Variants in RAPGEF6 observed in about 807,000 individuals in gnomAD.
RAPGEF6 encodes the protein PDZ domain containing guanine nucleotide exchange factor (GEF) 2.
RAPGEF6 carries 56 observed loss-of-function variants against 171.4 expected under a neutral mutation model. The observed-to-expected ratio is 0.33, with a 90% CI of 0.26 to 0.41. The LOEUF is 0.41. Ranked by LOEUF, RAPGEF6 falls within the 10% of genes least tolerant of loss-of-function variation. The pLI is 1.00. For synonymous variants in RAPGEF6, 692 were observed against 650.1 expected, an observed-to-expected ratio of 1.06 and a Z score of -0.98; for missense variants, 1,674 against 1,921.4, an observed-to-expected ratio of 0.87 and a Z score of 2.41.
chr5:131,479,192 G>A (rs780288955), intron 16 of RAPGEF6, among the ~76,000 whole-genome samples: 14 of 151,122 alleles, frequency 9.3e-5, no homozygotes, highest in Non-Finnish European at 1.3e-4. Context: ...TGGTGAATAA[G>A]TCCCAAGATT....
chr5:131,461,744 C>A lies in RAPGEF6; in HGVS notation c.2825G>T (p.Arg942Leu), dbSNP rs372487065. Reference sequence around the variant, plus strand: ...CATGGAATTGAAGTTCTTACATTCTCGACAATGAAGTGCAATTTTAATAAA... The same window carrying A: ...CATGGAATTGAAGTTCTTACATTCTAGACAATGAAGTGCAATTTTAATAAA... ...KHFIKIALHCRECKNFNSMFA... is the reference protein window; with the variant it reads ...KHFIKIALHCLECKNFNSMFA... Residue 942 changes from arginine to leucine, a missense_variant, in exon 19 of 28, where the codon CGA becomes CTA. Physicochemically the swap from Arg to Leu is moderately radical, Grantham distance 102. Transcript: ENST00000509018. The A allele has an allele frequency of 1.3e-5, 21 of 1,605,422 alleles. No individual in the cohort carries two copies. Among genetic ancestry groups the A allele is most frequent in the Non-Finnish European group, 1.8e-5 (21 of 1,173,244 alleles).
chr5:131,590,672 G>A (rs1763536672), intron 4 of RAPGEF6, among the ~76,000 whole-genome samples: 1 of 152,122 alleles, frequency 6.6e-6, no homozygotes. Context: ...TGAAGTTTAT[G>A]ATTACATTAA....
intron 4 of RAPGEF6, among the ~76,000 whole-genome samples, chr5:131,588,738 G>A (rs1325681112): frequency 2.0e-5 from 3 of 151,438 alleles, no homozygotes; most frequent in African/African-American, 2.4e-5. Flanking sequence ...GTGAGACTCC[G>A]TCTTAAAAAA....
intron 4 of RAPGEF6, among the ~76,000 whole-genome samples, chr5:131,572,326 G>A (rs577526745): frequency 6.6e-6 from 1 of 152,198 alleles, no homozygotes; most frequent in South Asian, 2.1e-4. Context: ...CTTCACACTC[G>A]GGTAAGCGGT....
Position 131,635,099 on chromosome 5 carries a change from C to G in RAPGEF6, c.-69G>C. The G allele has an allele frequency of 6.8e-7, 1 of 1,461,826 alleles. No homozygotes were observed. Among genetic ancestry groups the G allele is most frequent in the Non-Finnish European group, 9.2e-7 (1 of 1,087,588 alleles). 90.6% of individuals were successfully genotyped at this position (1,461,826 alleles called of 1,614,324 possible). ...GCCACAGTTCATTCACACTAGGTAG[C>G]GGGTGCGGTACCTTTCCCCCGCCCC... On this transcript the variant is annotated 5_prime_UTR_variant, in exon 1 of 28. Transcript: ENST00000509018.
At chr5:131,628,941 T>G (rs888208279) in intron 1 of RAPGEF6, among the ~76,000 whole-genome samples, 5 of 152,196 alleles carry the variant, frequency 3.3e-5, no homozygotes, top group African/African-American at 1.2e-4. Flanking sequence ...TCACTGACAA[T>G]GCATCTTGTC....
In RAPGEF6 at chr5:131,455,942, G is replaced by A; in HGVS notation, c.2935C>T (p.His979Tyr). 6.2e-7 allele frequency: 1 copy of A among 1,613,980 alleles called. No homozygotes were observed. The highest frequency in any genetic ancestry group is 8.5e-7 in the Non-Finnish European group (1 of 1,179,970). The change falls in exon 20 of 28, where the codon CAT (histidine) becomes TAT (tyrosine). Residue 979 changes from histidine (H) to tyrosine (Y), a missense_variant. This residue lies in a region of RAPGEF6 where 1,116 missense variants were observed against 1,321.5 expected (regional missense o/e 0.84). Coordinates refer to ENST00000509018, the MANE Select transcript of RAPGEF6 (RefSeq NM_016340.6). Reference protein sequence around the residue: ...WEKLPSKYEKHLQDLQDIFDP... With the variant: ...WEKLPSKYEKYLQDLQDIFDP... Reference sequence around the variant, plus strand: ...AAAATGTCTTGTAGATCTTGAAGATGTTTCTCGTATTTGCTTGGTAACTTT... The same window carrying A: ...AAAATGTCTTGTAGATCTTGAAGATATTTCTCGTATTTGCTTGGTAACTTT...
intron 15 of RAPGEF6, among the ~76,000 whole-genome samples, chr5:131,481,975 C>A (rs1197037465): frequency 6.6e-6 from 1 of 152,028 alleles, no homozygotes; most frequent in Non-Finnish European, 1.5e-5. Context: ...GTAAGAGTTT[C>A]CCACAAAATC....
At chr5:131,564,960 T>A (rs549660992) in intron 4 of RAPGEF6, among the ~76,000 whole-genome samples, 1 of 152,186 alleles carries the variant, frequency 6.6e-6, no homozygotes, top group East Asian at 1.9e-4. Flanking sequence ...ATTTTCCATC[T>A]ATTAGTTTTA....
At chr5:131,607,563 T>G (rs1764682698) in intron 1 of RAPGEF6, among the ~76,000 whole-genome samples, 1 of 152,240 alleles carries the variant, frequency 6.6e-6, no homozygotes, top group Non-Finnish European at 1.5e-5. Flanking sequence ...TTCCGCTCTC[T>G]GTCATAACAC....
intron 4 of RAPGEF6, among the ~76,000 whole-genome samples, chr5:131,582,555 A>G (rs1350576866): frequency 6.6e-6 from 1 of 152,236 alleles, no homozygotes; most frequent in East Asian, 1.9e-4. Flanking sequence ...GATTTTACAT[A>G]TGACCCCCAA....
intron 4 of RAPGEF6, among the ~76,000 whole-genome samples, chr5:131,585,565 C>T (rs909538629): frequency 7.2e-5 from 11 of 152,174 alleles, no homozygotes; most frequent in African/African-American, 2.7e-4. Flanking sequence ...GTGGCTCACA[C>T]CTGTAATCCC....
At chr5:131,524,462 C>T (rs1758720984) in intron 6 of RAPGEF6, among the ~76,000 whole-genome samples, 1 of 151,650 alleles carries the variant, frequency 6.6e-6, no homozygotes, top group Admixed American at 6.6e-5. Context: ...AACTATAAAG[C>T]TAACAGAGGG....
At chr5:131,598,135 G>A (rs1473288416) in intron 3 of RAPGEF6, among the ~76,000 whole-genome samples, 2 of 151,964 alleles carry the variant, frequency 1.3e-5, no homozygotes, top group East Asian at 3.9e-4. Flanking sequence ...CCAAAGAACT[G>A]GTATCTATGA....
intron 3 of RAPGEF6, among the ~76,000 whole-genome samples, chr5:131,595,062 G>A (rs574167363): frequency 6.6e-6 from 1 of 152,294 alleles, no homozygotes; most frequent in African/African-American, 2.4e-5. Flanking sequence ...ATGTGAGAAG[G>A]ACATGAGATT....
chr5:131,557,397 T>C (rs1761304583), intron 5 of RAPGEF6, among the ~76,000 whole-genome samples: 1 of 152,222 alleles, frequency 6.6e-6, no homozygotes, highest in African/African-American at 2.4e-5. Flanking sequence ...TAAGGAAAAA[T>C]ACAATTGATT....
At chr5:131,468,599 C>T (rs1754537223) in intron 17 of RAPGEF6, among the ~76,000 whole-genome samples, 2 of 152,032 alleles carry the variant, frequency 1.3e-5, no homozygotes, top group African/African-American at 4.8e-5. Context: ...AAAAGACTGA[C>T]TTTTCATTCT....
chr5:131,567,616 T>C (rs1374840430), intron 4 of RAPGEF6, among the ~76,000 whole-genome samples: 5 of 152,190 alleles, frequency 3.3e-5, no homozygotes, highest in Non-Finnish European at 5.9e-5. Flanking sequence ...TCAAATGATT[T>C]CATTCCTTTC....
At chr5:131,595,361 C>T (rs1763836454) in intron 3 of RAPGEF6, among the ~76,000 whole-genome samples, 1 of 152,126 alleles carries the variant, frequency 6.6e-6, no homozygotes, top group Non-Finnish European at 1.5e-5. Flanking sequence ...CCTAAGACCT[C>T]CCACTCATGC....
Sources: allele counts gnomAD v4.1 joint callset (sites outside exome capture counted in the v4.1 genomes callset), GRCh38; gene constraint gnomAD v4.1.1; regional missense constraint gnomAD v4.1.1; transcripts MANE v1.5; gene names NCBI Gene and HGNC (gene_info 2026-07-23, HGNC 2026-07-21).